Variants in PDZRN4 observed in about 807,000 individuals in gnomAD.
PDZRN4 encodes the protein PDZ domain-containing RING finger protein 4.
In PDZRN4, 70 loss-of-function variants were observed where a neutral mutation model predicts 99.0. That is an observed-to-expected ratio of 0.71 (90% CI 0.58 to 0.86). The LOEUF (loss-of-function observed/expected upper bound fraction) is 0.86. Ranked by LOEUF, PDZRN4 falls within the 40% of genes least tolerant of loss-of-function variation. The pLI is 0.00. For missense variants in PDZRN4, 1,474 were observed against 1,331.2 expected (o/e 1.11, Z -1.67); for synonymous variants, 551 against 501.6 (o/e 1.10, Z -1.32).
intron 3 of PDZRN4, among the ~76,000 whole-genome samples, chr12:41,272,285 T>A (rs192222112): frequency 1.3e-5 from 2 of 152,108 alleles, no homozygotes; most frequent in Admixed American, 1.3e-4. Context: ...TAAAGTCAAC[T>A]GGTAAAAATA....
At chr12:41,210,647 A>T (rs1182221617) in intron 3 of PDZRN4, among the ~76,000 whole-genome samples, 3 of 152,010 alleles carry the variant, frequency 2.0e-5, no homozygotes, top group African/African-American at 7.2e-5. Context: ...CATGGTGAAA[A>T]GATGTTATTA....
At chr12:41,340,236 G>A (rs1041759894) in intron 3 of PDZRN4, among the ~76,000 whole-genome samples, 11 of 151,888 alleles carry the variant, frequency 7.2e-5, no homozygotes, top group African/African-American at 2.4e-4. Context: ...AATAGAGAAC[G>A]ATTCAGCCAT....
At chr12:41,383,969 A>ATTTT (rs761679051) in intron 3 of PDZRN4, among the ~76,000 whole-genome samples, 1 of 75,010 alleles carries the variant, frequency 1.3e-5, no homozygotes, top group African/African-American at 4.4e-5. Flanking sequence ...CACTATGGAG[A>ATTTT]TTTTTTTTTT....
In PDZRN4 at chr12:41,188,894, G is replaced by T. The variant is rs1269696275; in HGVS notation, c.439G>T (p.Gly147Trp). ...GGCTGGCCGGGGCGGGGGCGCGCGC[G>T]GGGGGCCGCCGGGCGGCCGCTGGGG... Reference protein sequence around the residue: ...PRAGRGGGARGGPPGGRWGRG... With the variant: ...PRAGRGGGARWGPPGGRWGRG... Residue 147 changes from glycine (G) to tryptophan (W), a missense_variant, in exon 1 of 10, where the codon GGG becomes TGG. Transcript: ENST00000402685. 1.5e-5 allele frequency: 17 copies of T among 1,099,600 alleles called. No homozygotes were observed. Among genetic ancestry groups the T allele is most frequent in the Non-Finnish European group, 1.7e-5 (15 of 904,974 alleles). 68.1% of individuals were successfully genotyped at this position (1,099,600 alleles called of 1,614,324 possible). A position where few individuals can be genotyped will look rare whatever the true frequency, so the allele number is the denominator to read the frequency against.
intron 3 of PDZRN4, among the ~76,000 whole-genome samples, chr12:41,428,038 A>C (rs926014448): frequency 6.6e-6 from 1 of 152,208 alleles, no homozygotes; most frequent in Non-Finnish European, 1.5e-5. Context: ...TGGTGAGCCA[A>C]GATTACGCCA....
intron 8 of PDZRN4, among the ~76,000 whole-genome samples, chr12:41,567,354 G>A (rs1015511464): frequency 2.6e-5 from 4 of 152,084 alleles, no homozygotes; most frequent in Admixed American, 6.6e-5. Context: ...CGTATGGGGG[G>A]AACTTTGTGT....
intron 3 of PDZRN4, among the ~76,000 whole-genome samples, chr12:41,291,939 G>A (rs1331137741): frequency 1.3e-5 from 2 of 152,088 alleles, no homozygotes; most frequent in African/African-American, 4.8e-5. Flanking sequence ...ACCAAACTGG[G>A]AGGAAGGCAG....
chr12:41,214,969 T>G (rs914491038), intron 3 of PDZRN4, among the ~76,000 whole-genome samples: 1 of 152,130 alleles, frequency 6.6e-6, no homozygotes, highest in Non-Finnish European at 1.5e-5. Flanking sequence ...TGTGGATGAT[T>G]CTCATGAACT....
At chr12:41,373,017 G>C (rs1440888898) in intron 3 of PDZRN4, among the ~76,000 whole-genome samples, 2 of 152,124 alleles carry the variant, frequency 1.3e-5, no homozygotes, top group Non-Finnish European at 2.9e-5. Flanking sequence ...GTGTCCGGGG[G>C]AGACATCACA....
intron 3 of PDZRN4, among the ~76,000 whole-genome samples, chr12:41,290,986 T>C (rs892574952): frequency 6.6e-6 from 1 of 152,098 alleles, no homozygotes; most frequent in Non-Finnish European, 1.5e-5. Flanking sequence ...AAGCCTCCTT[T>C]TTAAAGATGT....
In PDZRN4 at chr12:41,529,148, G is replaced by A. The variant is rs534241792; in HGVS notation, c.1203+19235G>A. Among the ~76,000 whole-genome samples the A allele has an allele frequency of 1.2e-4, 18 of 152,216 alleles. No individual in the cohort carries two copies. In the South Asian group the frequency reaches 1.9e-3, roughly 16 times the overall value. On this transcript the variant is annotated intron_variant, in intron 5 of 9. Transcript: ENST00000402685. ...TGGGGTGCTGGATACCAGTGGCATC[G>A]CCAAGCTGAAAAGGACTGAGCTTTC...
intron 5 of PDZRN4, 142 bp from the exon 6 acceptor site, chr12:41,552,514 A>AG: frequency 3.8e-4 from 16 of 42,386 alleles, no homozygotes; most frequent in African/African-American, 8.0e-4. Context: ...TAATATTGGT[A>AG]AAAAAAAAAA....
intron 3 of PDZRN4, among the ~76,000 whole-genome samples, chr12:41,392,542 T>A (rs1431000324): frequency 6.6e-6 from 1 of 152,304 alleles, no homozygotes; most frequent in East Asian, 1.9e-4. Context: ...GAGTATGATA[T>A]GTGTATTCTT....
chr12:41,408,692 G>C (rs1003256168), intron 3 of PDZRN4, among the ~76,000 whole-genome samples: 1 of 151,974 alleles, frequency 6.6e-6, no homozygotes, highest in African/African-American at 2.4e-5. Flanking sequence ...AATTTTCAAA[G>C]ATCTGGTTGA....
chr12:41,290,764 G>A (rs945705647), intron 3 of PDZRN4, among the ~76,000 whole-genome samples: 37 of 151,904 alleles, frequency 2.4e-4, no homozygotes, highest in African/African-American at 6.8e-4. Context: ...AGGAATAACC[G>A]GTCATTTTTC....
chr12:41,428,411 C>A (rs1565580263), intron 3 of PDZRN4, among the ~76,000 whole-genome samples: 1 of 152,108 alleles, frequency 6.6e-6, no homozygotes. Context: ...CCTTTATATA[C>A]CTTGACTACC....
intron 8 of PDZRN4, among the ~76,000 whole-genome samples, chr12:41,563,873 T>C (rs1939316389): frequency 6.6e-6 from 1 of 152,190 alleles, no homozygotes; most frequent in Non-Finnish European, 1.5e-5. Context: ...GACTGATCTT[T>C]CCTAATTTAT....
intron 5 of PDZRN4, among the ~76,000 whole-genome samples, chr12:41,539,921 A>G (rs936137732): frequency 6.6e-6 from 1 of 152,164 alleles, no homozygotes; most frequent in Non-Finnish European, 1.5e-5. Flanking sequence ...AGGTCTACTA[A>G]TTGGTTTTAA....
intron 3 of PDZRN4, among the ~76,000 whole-genome samples, chr12:41,451,348 G>T (rs1029863074): frequency 6.6e-6 from 1 of 152,152 alleles, no homozygotes; most frequent in Non-Finnish European, 1.5e-5. Context: ...CACATAGTTG[G>T]TTATTAACAG....
Sources: gnomAD v4.1 joint callset for allele counts (sites outside exome capture counted in the v4.1 genomes callset) on GRCh38, gnomAD v4.1.1 for gene constraint, MANE v1.5 for transcripts, NCBI Gene and HGNC (gene_info 2026-07-23, HGNC 2026-07-21) for gene names.